Variants in RASL12 observed in about 807,000 individuals in gnomAD.
RASL12 encodes the protein ras-like protein family member 12.
Under a neutral mutation model 22.9 loss-of-function variants are expected in RASL12, and 16 were observed. That is an observed-to-expected ratio of 0.70 (90% CI 0.47 to 1.06). The LOEUF is 1.06. Ranked by LOEUF, RASL12 falls within the 50% of genes least tolerant of loss-of-function variation. The pLI is 0.00. For synonymous variants in RASL12, 159 were observed against 152.2 expected (o/e 1.04, Z -0.33); for missense variants, 306 against 353.1 (o/e 0.87, Z 1.07).
downstream of RASL12, chr15:65,050,155 CAG>C: frequency 7.0e-7 from 1 of 1,432,328 alleles, no homozygotes; most frequent in South Asian, 1.3e-5. Context: ...CAACACAGAG[CAG>C]AGTTTGGCTG....
downstream of RASL12, chr15:65,050,024 C>G (rs1193237188): frequency 6.4e-7 from 1 of 1,551,448 alleles, no homozygotes; most frequent in East Asian, 2.4e-5. Context: ...AGTGAGGGGG[C>G]TCCCGGAGAC....
At position 65,067,843 on chromosome 15, in the gene RASL12, C is replaced by A; in HGVS notation, c.-8G>T. ...TCCAAACACCGAGGACATGGCGACG[C>A]CCTGGACGGCCACGCAGGTCTGCGG... is the stretch of plus-strand genomic sequence containing the variant. On this transcript the variant is annotated 5_prime_UTR_variant, in exon 1 of 5. Coordinates refer to ENST00000220062, the MANE Select transcript of RASL12 (RefSeq NM_016563.4). 6.6e-7 allele frequency: 1 copy of A among 1,514,248 alleles called. No individual in the cohort carries two copies. The allele number at this position is 1,514,248 out of a possible 1,614,324, so 93.8% of individuals were successfully genotyped here. A position where few individuals can be genotyped will look rare whatever the true frequency, so the allele number is the denominator to read the frequency against.
chr15:65,068,427 A>C, upstream of RASL12: 2 of 361,034 alleles, frequency 5.5e-6, no homozygotes, highest in Non-Finnish European at 7.7e-6. This position sits in a 1 kb window ranked among gnomAD's most constrained non-coding sequence, Gnocchi z 4.2. Context: ...ATCCCCAATC[A>C]CATTATTCTG....
intron 2 of RASL12, among the ~76,000 whole-genome samples, chr15:65,060,406 C>T (rs1247637677): frequency 1.3e-5 from 2 of 152,236 alleles, no homozygotes; most frequent in Non-Finnish European, 2.9e-5. Context: ...CATCACCTTA[C>T]ATAACCATAG....
In RASL12 at chr15:65,063,826, G is replaced by C. The variant is rs117270833; in HGVS notation, c.160+1391C>G. Among the ~76,000 whole-genome samples the C allele has an allele frequency of 3.2e-4, 49 of 152,344 alleles. 1 individual carries two copies. In the East Asian group the frequency reaches 9.4e-3, roughly 29 times the overall value. ...GGTGCTGGACTCCAGCCTGAACTAA[G>C]GGGCTGGGCACCACTAGGGTAAGGA... On this transcript the variant is annotated intron_variant, in intron 2 of 4. Transcript: ENST00000220062.
At chr15:65,059,808 C>G (rs1361160440) in intron 2 of RASL12, among the ~76,000 whole-genome samples, 1 of 152,358 alleles carries the variant, frequency 6.6e-6, no homozygotes, top group South Asian at 2.1e-4. Flanking sequence ...TCTCTTCCCC[C>G]TCAACCAACC....
downstream of RASL12, chr15:65,049,849 A>C (rs149959590): frequency 3.9e-3 from 1,947 of 501,774 alleles, 7 homozygotes; most frequent in Middle Eastern, 0.011. Flanking sequence ...ACAGAGGGAG[A>C]TCAAACTCGG....
At chr15:65,057,267 C>T (rs2086743943) in intron 4 of RASL12, among the ~76,000 whole-genome samples, 1 of 152,216 alleles carries the variant, frequency 6.6e-6, no homozygotes, top group Non-Finnish European at 1.5e-5. Context: ...GACTGACCAA[C>T]CGTGAACAGG....
chr15:65,049,334 A>T (rs565980123), downstream of RASL12: 2 of 150,600 alleles, frequency 1.3e-5, no homozygotes, highest in African/African-American at 2.4e-5. Context: ...GTCCAAAAAA[A>T]AAAGAAAAAG....
At chr15:65,076,420 C>G in intron 1 of RASL12, 2 of 534,982 alleles carry the variant, frequency 3.7e-6, no homozygotes, top group South Asian at 5.1e-5. Flanking sequence ...CAGCTTCACT[C>G]CTGAGCCAGC....
At chr15:65,065,406 G>T in intron 1 of RASL12, 133 bp from the exon 2 acceptor site, 1 of 826,496 alleles carries the variant, frequency 1.2e-6, no homozygotes, top group Non-Finnish European at 1.9e-6. Flanking sequence ...AGAGAATGAA[G>T]CTAGGGAACT....
chr15:65,074,571 A>T (rs2140540012), intron 1 of RASL12, among the ~76,000 whole-genome samples: 1 of 151,900 alleles, frequency 6.6e-6, no homozygotes, highest in South Asian at 2.1e-4. Context: ...ATTTTTTTGT[A>T]TTTTTAATAG....
At chr15:65,053,040 G>C (rs1439334994), downstream of RASL12, 6 of 1,613,818 alleles carry the variant, frequency 3.7e-6, no homozygotes, top group South Asian at 4.4e-5. Flanking sequence ...GATCACAACA[G>C]CCTAAACAAC....
chr15:65,046,326 T>C, the RASL12 span, among the ~76,000 whole-genome samples: 8 of 151,850 alleles, frequency 5.3e-5, no homozygotes, highest in Non-Finnish European at 1.2e-4. Context: ...CAAAATTAGC[T>C]GGGCATGGTG....
At chr15:65,049,003 C>A (rs919917905), downstream of RASL12, among the ~76,000 whole-genome samples, 1 of 131,668 alleles carries the variant, frequency 7.6e-6, no homozygotes, top group African/African-American at 2.9e-5. Flanking sequence ...GAGTGAGACT[C>A]CGTCTCAAAA....
Position 65,067,978 on chromosome 15 carries a change from G to A in RASL12, c.-143C>T. On this transcript the variant is annotated 5_prime_UTR_variant, in exon 1 of 5. Transcript: ENST00000220062. The stretch of plus-strand genomic sequence containing the variant: ...CGTCGGCGTCCGCGCCCTCGGCCCC[G>A]CGTCCAGCGGGCTGCCACCCCGCGG... 8.5e-7 allele frequency: 1 copy of A among 1,170,468 alleles called. No homozygotes were observed. Among genetic ancestry groups the A allele is most frequent in the Non-Finnish European group, 1.1e-6 (1 of 948,842 alleles). The allele number at this position is 1,170,468 out of a possible 1,614,324, so 72.5% of individuals were successfully genotyped here. A position where few individuals can be genotyped will look rare whatever the true frequency, so the allele number is the denominator to read the frequency against.
At chr15:65,056,546 C>A (rs1435328893) in intron 4 of RASL12, among the ~76,000 whole-genome samples, 1 of 152,142 alleles carries the variant, frequency 6.6e-6, no homozygotes, top group African/African-American at 2.4e-5. Context: ...ATTGTGGGGG[C>A]TTGAATAATG....
upstream of RASL12, among the ~76,000 whole-genome samples, chr15:65,072,823 T>C (rs1595911011): frequency 6.6e-6 from 1 of 152,262 alleles, no homozygotes; most frequent in South Asian, 2.1e-4. Context: ...TATGCCCTCC[T>C]GACACAAGGT....
upstream of RASL12, among the ~76,000 whole-genome samples, chr15:65,070,317 T>A (rs1373703289): frequency 6.6e-6 from 1 of 152,234 alleles, no homozygotes; most frequent in Non-Finnish European, 1.5e-5. Flanking sequence ...AGATAACATG[T>A]GTCCTATCCA....
Sources: gnomAD v4.1 joint callset for allele counts (sites outside exome capture counted in the v4.1 genomes callset) on GRCh38, gnomAD v4.1.1 for gene constraint, Gnocchi (gnomAD v3.1) non-coding constraint, MANE v1.5 for transcripts, NCBI Gene and HGNC (gene_info 2026-07-23, HGNC 2026-07-21) for gene names.